The following TMEM102 variants were observed in gnomAD, a reference collection of about 807,000 sequenced individuals.
The protein encoded by TMEM102 is transmembrane protein 102, also known as DANGER family member 2B.
Under a neutral mutation model 26.8 loss-of-function variants are expected in TMEM102, and 28 were observed. The observed-to-expected ratio is 1.05, with a 90% confidence interval of 0.77 to 1.43. TMEM102 has a LOEUF of 1.43. TMEM102 is among the 40% of genes most tolerant of loss of function. The probability of loss-of-function intolerance (pLI) is 0.00; values close to 1 mark genes in which losing one functional copy is unlikely to be tolerated. For missense variants in TMEM102, 677 were observed against 705.6 expected (o/e 0.96, Z 0.46); for synonymous variants, 306 against 332.1 (o/e 0.92, Z 0.86).
At position 7,436,806 on chromosome 17, in the gene TMEM102, C is replaced by A. The variant is rs762758558; in HGVS notation, c.827C>A (p.Ala276Glu). The A allele has an allele frequency of 8.1e-6, 13 of 1,613,282 alleles. No individual in the cohort carries two copies. The highest frequency in any genetic ancestry group is 1.1e-5 in the Non-Finnish European group (13 of 1,180,036). ...GCCTGGTTCTTTGCTACGCTGGCGG[C>A]GGTCGCCGAGTCTCTGATCCCTGTC... ...VAAWFFATLA[A>E]VAESLIPVPG... Residue 276 changes from alanine (A) to glutamate (E), a missense_variant, in exon 3 of 3, where the codon GCG (alanine) becomes GAG (glutamate). Physicochemically the swap from Ala to Glu is moderately radical, Grantham distance 107. Transcript: ENST00000323206.
In TMEM102 at chr17:7,436,684, G is replaced by A; in HGVS notation, c.705G>A (p.Met235Ile). The change falls in exon 3 of 3, where the codon ATG (methionine) becomes ATA (isoleucine). Residue 235 changes from methionine to isoleucine, a missense_variant. Transcript: ENST00000323206. ...GCTCTACCGCACCTTTGAAAACAAT[G>A]AGTAGTGACGTCACCAAGGCAGCCG... Reference protein sequence around the residue: ...DLGSTAPLKTMSSDVTKAAVE... With the variant: ...DLGSTAPLKTISSDVTKAAVE... The A allele has an allele frequency of 6.2e-7, 1 of 1,613,838 alleles. No homozygotes were observed. The highest frequency in any genetic ancestry group is 8.5e-7 in the Non-Finnish European group (1 of 1,180,040).
chr17:7,437,182 G>C lies in TMEM102; in HGVS notation c.1203G>C (p.Arg401=). The change falls in exon 3 of 3, where the codon CGG becomes CGC. Residue 401 remains arginine (R), a synonymous_variant. Transcript: ENST00000323206. The surrounding 1 kb of genome is among the most constrained non-coding windows in gnomAD (Gnocchi z 4.2). ...TGCGCCCGCTGGTGGCCGGGACCCG[G>C]GCGGCGGCGCCCTACCTCCTGCGGA... ...ALLRPLVAGT[R]AAAPYLLRTL... 6.7e-7 allele frequency: 1 copy of C among 1,493,336 alleles called. No homozygotes were observed. Among genetic ancestry groups the C allele is most frequent in the East Asian group, 2.8e-5 (1 of 36,000 alleles). The allele number at this position is 1,493,336 out of a possible 1,614,324, so 92.5% of individuals were successfully genotyped here. A position where few individuals can be genotyped will look rare whatever the true frequency, so the allele number is the denominator to read the frequency against.
In TMEM102 at chr17:7,436,473, C is replaced by G. The variant is rs765955633; in HGVS notation, c.494C>G (p.Pro165Arg). Reference protein sequence around the residue: ...IREMWQDCLGPPVPGARDSIH... With the variant: ...IREMWQDCLGRPVPGARDSIH... ...GAGATGTGGCAGGATTGCTTAGGAC[C>G]CCCAGTCCCAGGAGCACGTGATTCG... Residue 165 changes from proline (P) to arginine (R), a missense_variant, in exon 3 of 3, where the codon CCC (proline) becomes CGC (arginine). Coordinates refer to ENST00000323206, the MANE Select transcript of TMEM102 (RefSeq NM_178518.3). The G allele has an allele frequency of 6.2e-7, 1 of 1,613,742 alleles. No individual in the cohort carries two copies. The highest frequency in any genetic ancestry group is 1.1e-5 in the South Asian group (1 of 91,076).
chr17:7,436,442 A>G lies in TMEM102; in HGVS notation c.463A>G (p.Ile155Val), dbSNP rs1464159462. The G allele has an allele frequency of 6.2e-7, 1 of 1,613,798 alleles. No homozygotes were observed. Among genetic ancestry groups the G allele is most frequent in the African/African-American group, 1.3e-5 (1 of 74,910 alleles). The change falls in exon 3 of 3, where the codon ATC (isoleucine) becomes GTC (valine). Residue 155 changes from isoleucine to valine, a missense_variant. By Grantham distance (29) the Ile-to-Val change is conservative. Coordinates refer to ENST00000323206, the MANE Select transcript of TMEM102 (RefSeq NM_178518.3). ...CLPEMVCGTP[I>V]REMWQDCLGP... ...CCCAGAGATGGTGTGCGGAACCCCC[A>G]TCCGGGAGATGTGGCAGGATTGCTT...
chr17:7,435,835 C>A lies in TMEM102; in HGVS notation c.-19-18C>A, dbSNP rs988536205. ...ACTTTGTGGCAGCAAAGCCACCTCC[C>A]TTCCGTGTTTTCCGCAGCCCAAAGC... On this transcript the variant is annotated intron_variant, in intron 1 of 2. Transcript: ENST00000323206. 6.5e-7 allele frequency: 1 copy of A among 1,538,266 alleles called. No individual in the cohort carries two copies. The highest frequency in any genetic ancestry group is 1.4e-5 in the African/African-American group (1 of 72,904).
In TMEM102 at chr17:7,437,314, C is replaced by T. The variant is rs1380391656; in HGVS notation, c.1335C>T (p.Leu445=). 13 of 1,556,790 alleles carry T rather than the reference C, an allele frequency of 8.4e-6. No homozygotes were observed. Among genetic ancestry groups the T allele is most frequent in the Non-Finnish European group, 1.1e-5 (13 of 1,155,018 alleles). Residue 445 remains leucine (L), a synonymous_variant, in exon 3 of 3, where the codon CTC becomes CTT. Coordinates refer to ENST00000323206, the MANE Select transcript of TMEM102 (RefSeq NM_178518.3). This position sits in a 1 kb window ranked among gnomAD's most constrained non-coding sequence, Gnocchi z 4.2. ...TGCTAGACGAGCTCGGCCGAGTGCTCGAGGCCGGGACGTTGCCTCACTATT... is the reference window on the plus strand; with the variant it reads ...TGCTAGACGAGCTCGGCCGAGTGCTTGAGGCCGGGACGTTGCCTCACTATT... ...LGLLDELGRV[L]EAGTLPHYFL... is the part of the protein sequence containing the mutation.
chr17:7,436,475 C>A lies in TMEM102; in HGVS notation c.496C>A (p.Pro166Thr). 6.2e-7 allele frequency: 1 copy of A among 1,613,770 alleles called. No individual in the cohort carries two copies. Among genetic ancestry groups the A allele is most frequent in the Non-Finnish European group, 8.5e-7 (1 of 1,180,044 alleles). Residue 166 changes from proline (P) to threonine (T), a missense_variant, in exon 3 of 3, where the codon CCA (proline) becomes ACA (threonine). Physicochemically the swap from Pro to Thr is conservative, Grantham distance 38 (BLOSUM62 -1). Coordinates refer to ENST00000323206, the MANE Select transcript of TMEM102 (RefSeq NM_178518.3). ...REMWQDCLGPPVPGARDSIHR... is the reference protein window; with the variant it reads ...REMWQDCLGPTVPGARDSIHR... ...GATGTGGCAGGATTGCTTAGGACCC[C>A]CAGTCCCAGGAGCACGTGATTCGAT...
rs755970175 is a variant in TMEM102 at position 7,436,386 on chromosome 17, A to G, written c.407A>G (p.Asp136Gly). The change falls in exon 3 of 3, where the codon GAC (aspartate) becomes GGC (glycine). Residue 136 changes from aspartate (D) to glycine (G), a missense_variant. By Grantham distance (94) the Asp-to-Gly change is moderately conservative. Coordinates refer to ENST00000323206, the MANE Select transcript of TMEM102 (RefSeq NM_178518.3). ...FSLDGTELQL[D>G]LESCYAQVCL... is the part of the protein sequence containing the mutation. The stretch of plus-strand genomic sequence containing the variant: ...CTGGACGGCACTGAACTGCAACTGG[A>G]CCTGGAATCCTGTTACGCACAGGTC... 5 of 1,613,636 alleles carry G rather than the reference A, an allele frequency of 3.1e-6. No individual in the cohort carries two copies. Among genetic ancestry groups the G allele is most frequent in the Non-Finnish European group, 3.4e-6 (4 of 1,180,018 alleles).
chr17:7,437,231 C>T lies in TMEM102; in HGVS notation c.1252C>T (p.Arg418Trp), dbSNP rs777333669. The change falls in exon 3 of 3, where the codon CGG becomes TGG. Residue 418 changes from arginine (R) to tryptophan (W), a missense_variant. Arg to Trp is a moderately radical substitution (Grantham distance 101). Coordinates refer to ENST00000323206, the MANE Select transcript of TMEM102 (RefSeq NM_178518.3). This position sits in a 1 kb window ranked among gnomAD's most constrained non-coding sequence, Gnocchi z 4.2. ...GACGCTGCTGTACTGGGCGTGCGAG[C>T]GGCTGCCTGCGCTCTACCTGGCGCG... ...LRTLLYWACE[R>W]LPALYLARPE... 2 of 1,514,422 alleles carry T rather than the reference C, an allele frequency of 1.3e-6. No individual in the cohort carries two copies. Among genetic ancestry groups the T allele is most frequent in the African/African-American group, 1.4e-5 (1 of 69,018 alleles). The allele number at this position is 1,514,422 out of a possible 1,614,324, so 93.8% of individuals were successfully genotyped here.
In TMEM102 at chr17:7,437,376, C is replaced by T. The variant is rs1908091756; in HGVS notation, c.1397C>T (p.Ser466Phe). The T allele has an allele frequency of 6.4e-7, 1 of 1,562,518 alleles. No homozygotes were observed. The highest frequency in any genetic ancestry group is 8.6e-7 in the Non-Finnish European group (1 of 1,156,304). ...NGRQLRTGDD[S>F]AALLGELARL... ...CGACAGCTCCGTACGGGGGACGACTCCGCTGCGCTGCTCGGAGAATTGGCC... is the reference window on the plus strand; with the variant it reads ...CGACAGCTCCGTACGGGGGACGACTTCGCTGCGCTGCTCGGAGAATTGGCC... The change falls in exon 3 of 3, where the codon TCC (serine) becomes TTC (phenylalanine). Residue 466 changes from serine to phenylalanine, a missense_variant. Coordinates refer to ENST00000323206, the MANE Select transcript of TMEM102 (RefSeq NM_178518.3). This position sits in a 1 kb window ranked among gnomAD's most constrained non-coding sequence, Gnocchi z 4.2.
chr17:7,436,125 A>G lies in TMEM102; in HGVS notation c.214+40A>G, dbSNP rs113516285. Reference sequence around the variant, plus strand: ...TTGCCTTTGGGAACTCACAGCTCTCAGCCTCACCACGCCCCCGCCCCCGCC... The same window carrying G: ...TTGCCTTTGGGAACTCACAGCTCTCGGCCTCACCACGCCCCCGCCCCCGCC... On this transcript the variant is annotated intron_variant, in intron 2 of 2. Transcript: ENST00000323206. 45 of 1,605,284 alleles carry G rather than the reference A, an allele frequency of 2.8e-5. No homozygotes were observed. The African/African-American group carries it at 3.5e-4, about 12-fold the overall frequency.
rs1450222972 is a variant in TMEM102 at position 7,435,937 on chromosome 17, G to T, written c.66G>T (p.Pro22=). Residue 22 remains proline (P), a synonymous_variant, in exon 2 of 3, where the codon CCG becomes CCT. Coordinates refer to ENST00000323206, the MANE Select transcript of TMEM102 (RefSeq NM_178518.3). ...CGCCGCCCCCGGCCCCAGCTCGGCC[G>T]CTCACGGACATCGACTTCTGCTCCG... is the stretch of plus-strand genomic sequence containing the variant. ...WGPPPPAPAR[P]LTDIDFCSGA... 3 of 1,612,322 alleles carry T rather than the reference G, an allele frequency of 1.9e-6. No homozygotes were observed. The highest frequency in any genetic ancestry group is 4.5e-5 in the East Asian group (2 of 44,884).
Position 7,437,637 on chromosome 17 carries a change from T to C in TMEM102, c.*131T>C. On this transcript the variant is annotated 3_prime_UTR_variant, in exon 3 of 3. Transcript: ENST00000323206. The surrounding 1 kb of genome is among the most constrained non-coding windows in gnomAD (Gnocchi z 4.2). Reference sequence around the variant, plus strand: ...CCCCCCTTCTGGAAGACCTCCCTGTTGGTTCCTCCTCTACGCCCACCCGCC... The same window carrying C: ...CCCCCCTTCTGGAAGACCTCCCTGTCGGTTCCTCCTCTACGCCCACCCGCC... 1 of 639,828 alleles carries C rather than the reference T, an allele frequency of 1.6e-6. No individual in the cohort carries two copies. Among genetic ancestry groups the C allele is most frequent in the Non-Finnish European group, 2.3e-6 (1 of 425,958 alleles). 39.6% of individuals were successfully genotyped at this position (639,828 alleles called of 1,614,324 possible).
chr17:7,437,133 C>A lies in TMEM102; in HGVS notation c.1154C>A (p.Ala385Glu). The A allele has an allele frequency of 6.9e-7, 1 of 1,457,714 alleles. No homozygotes were observed. 90.3% of individuals were successfully genotyped at this position (1,457,714 alleles called of 1,614,324 possible). ...CGCATACCAGCGCCGCTGCTGCAGGCGCACGCGGCGGCCCAGGCGCTACTG... is the reference window on the plus strand; with the variant it reads ...CGCATACCAGCGCCGCTGCTGCAGGAGCACGCGGCGGCCCAGGCGCTACTG... Reference protein sequence around the residue: ...KARIPAPLLQAHAAAQALLRP... With the variant: ...KARIPAPLLQEHAAAQALLRP... Residue 385 changes from alanine to glutamate, a missense_variant, in exon 3 of 3, where the codon GCG becomes GAG. Coordinates refer to ENST00000323206, the MANE Select transcript of TMEM102 (RefSeq NM_178518.3). This position sits in a 1 kb window ranked among gnomAD's most constrained non-coding sequence, Gnocchi z 4.2.
Position 7,436,849 on chromosome 17 carries a change from G to A in TMEM102, c.870G>A (p.Leu290=). 6.2e-7 allele frequency: 1 copy of A among 1,612,774 alleles called. No individual in the cohort carries two copies. The highest frequency in any genetic ancestry group is 8.5e-7 in the Non-Finnish European group (1 of 1,180,002). The change falls in exon 3 of 3, where the codon CTG becomes CTA. Residue 290 remains leucine (L), a synonymous_variant. Transcript: ENST00000323206. ...TCCCTGTCCCGGGTGCTCCGCGTCTGGTGCACGCAGCTCGCCACGCGGGTT... is the reference window on the plus strand; with the variant it reads ...TCCCTGTCCCGGGTGCTCCGCGTCTAGTGCACGCAGCTCGCCACGCGGGTT... The part of the protein sequence containing the change: ...SLIPVPGAPR[L]VHAARHAGFT...
chr17:7,436,059 C>A lies in TMEM102; in HGVS notation c.188C>A (p.Ala63Asp). The A allele has an allele frequency of 2.5e-6, 4 of 1,613,888 alleles. No individual in the cohort carries two copies. The highest frequency in any genetic ancestry group is 2.2e-5 in the East Asian group (1 of 44,884). Reference protein sequence around the residue: ...GPKPGADLLRAKDFVFSLLGL... With the variant: ...GPKPGADLLRDKDFVFSLLGL... ...AAGCCGGGAGCCGATCTCCTCCGGG[C>A]CAAGGACTTTGTCTTCTCTTTGCTT... Residue 63 changes from alanine to aspartate, a missense_variant, in exon 2 of 3, where the codon GCC becomes GAC. Transcript: ENST00000323206.
rs534577814 is a variant in TMEM102 at position 7,435,917 on chromosome 17, C to A, written c.46C>A (p.Pro16Thr). The part of the protein sequence containing the change: ...WGSAPWWGPP[P>T]PAPARPLTDI... The stretch of plus-strand genomic sequence containing the variant: ...GAGTGCCCCCTGGTGGGGCCCGCCG[C>A]CCCCGGCCCCAGCTCGGCCGCTCAC... The change falls in exon 2 of 3, where the codon CCC becomes ACC. Residue 16 changes from proline (P) to threonine (T), a missense_variant. Coordinates refer to ENST00000323206, the MANE Select transcript of TMEM102 (RefSeq NM_178518.3). 2 of 1,610,684 alleles carry A rather than the reference C, an allele frequency of 1.2e-6. No individual in the cohort carries two copies. The highest frequency in any genetic ancestry group is 2.2e-5 in the South Asian group (2 of 90,940).
rs755311072 is a variant in TMEM102 at position 7,436,045 on chromosome 17, C to A, written c.174C>A (p.Ala58=). Reference sequence around the variant, plus strand: ...GGAGTGACGGGCCCAAGCCGGGAGCCGATCTCCTCCGGGCCAAGGACTTTG... The same window carrying A: ...GGAGTGACGGGCCCAAGCCGGGAGCAGATCTCCTCCGGGCCAAGGACTTTG... ...ESWSDGPKPG[A]DLLRAKDFVF... Residue 58 remains alanine (A), a synonymous_variant, in exon 2 of 3, where the codon GCC becomes GCA. Transcript: ENST00000323206. The A allele has an allele frequency of 6.2e-7, 1 of 1,613,890 alleles. No homozygotes were observed. The highest frequency in any genetic ancestry group is 8.5e-7 in the Non-Finnish European group (1 of 1,180,032).
chr17:7,436,118 A>G (rs947161986), intron 2 of TMEM102, 33 bp downstream of exon 2: 1 of 1,607,010 alleles, frequency 6.2e-7, no homozygotes, highest in Non-Finnish European at 8.5e-7. Context: ...GGGAACTCAC[A>G]GCTCTCAGCC....
Sources: gnomAD v4.1 joint callset for allele counts on GRCh38, gnomAD v4.1.1 for gene constraint, Gnocchi (gnomAD v3.1) non-coding constraint, MANE v1.5 for transcripts, NCBI Gene and HGNC (gene_info 2026-07-23, HGNC 2026-07-21) for gene names.